Variants in GUCA1C observed in about 807,000 individuals in gnomAD.
The protein encoded by GUCA1C is guanylyl cyclase-activating protein 3.
In GUCA1C, 15 loss-of-function variants were observed where a neutral mutation model predicts 16.2. The observed-to-expected ratio is 0.93, with a 90% CI of 0.62 to 1.43. GUCA1C has a LOEUF of 1.43. Ranked by LOEUF, GUCA1C falls within the 40% of genes most tolerant of loss-of-function variation. The probability of loss-of-function intolerance (pLI) is 0.00; values close to 1 mark genes in which losing one functional copy is unlikely to be tolerated. For missense variants in GUCA1C, 275 were observed against 244.8 expected, an observed-to-expected ratio of 1.12 and a Z score of -0.82; for synonymous variants, 78 against 85.4, an observed-to-expected ratio of 0.91 and a Z score of 0.48.
intron 3 of GUCA1C, among the ~76,000 whole-genome samples, chr3:108,913,864 G>A (rs979143921): frequency 1.4e-4 from 21 of 151,916 alleles, no homozygotes; most frequent in Non-Finnish European, 2.2e-4. Context: ...TCAGGAGTTC[G>A]AGACCAGCCT....
At chr3:108,943,243 C>T (rs530490705) in intron 1 of GUCA1C, among the ~76,000 whole-genome samples, 2 of 151,846 alleles carry the variant, frequency 1.3e-5, no homozygotes, top group African/African-American at 4.8e-5. Context: ...GGAGTGGGGG[C>T]GCTGATATGT....
At chr3:108,928,253 C>T (rs1946639775) in intron 1 of GUCA1C, among the ~76,000 whole-genome samples, 2 of 152,194 alleles carry the variant, frequency 1.3e-5, no homozygotes, top group Non-Finnish European at 2.9e-5. Flanking sequence ...TGAGCAGGAG[C>T]TGCAAGCTAG....
chr3:108,932,342 A>C (rs796756579), intron 1 of GUCA1C, among the ~76,000 whole-genome samples: 14 of 31,900 alleles, frequency 4.4e-4, no homozygotes, highest in East Asian at 3.5e-3. Context: ...AAAAAAAACA[A>C]AAAAAAAAAA....
At position 108,953,680 on chromosome 3, in the gene GUCA1C, A is replaced by G; in HGVS notation, c.83T>C (p.Met28Thr). ...TGTTTGCAGGCCGGATGGATATTCC[A>G]TCATAAATGTTCTGTACCACACATG... ...ETHVWYRTFM[M>T]EYPSGLQTLH... is the part of the protein sequence containing the mutation. The change falls in exon 1 of 4, where the codon ATG becomes ACG. Residue 28 changes from methionine to threonine, a missense_variant. Transcript: ENST00000261047. The G allele has an allele frequency of 6.2e-7, 1 of 1,613,016 alleles. No homozygotes were observed. The highest frequency in any genetic ancestry group is 8.5e-7 in the Non-Finnish European group (1 of 1,178,970).
At chr3:108,912,055 G>A (rs1330401480) in intron 3 of GUCA1C, among the ~76,000 whole-genome samples, 2 of 149,566 alleles carry the variant, frequency 1.3e-5, no homozygotes, top group Non-Finnish European at 3.0e-5. Context: ...GCAGTGAGCC[G>A]AGTAGTGCCA....
At chr3:108,934,971 G>A (rs1482870028) in intron 1 of GUCA1C, among the ~76,000 whole-genome samples, 1 of 151,560 alleles carries the variant, frequency 6.6e-6, no homozygotes, top group South Asian at 2.1e-4. Context: ...CCGCCACCAC[G>A]CCCGGCTAAT....
intron 3 of GUCA1C, among the ~76,000 whole-genome samples, chr3:108,910,838 G>C (rs1318035209): frequency 6.6e-6 from 1 of 151,902 alleles, no homozygotes; most frequent in African/African-American, 2.4e-5. Flanking sequence ...TTTTGGTAGA[G>C]ACGGGGTTTC....
At chr3:108,923,930 TCTTAA>T (rs1576548051) in intron 1 of GUCA1C, among the ~76,000 whole-genome samples, 2 of 152,306 alleles carry the variant, frequency 1.3e-5, no homozygotes, top group South Asian at 2.1e-4. Context: ...GGGGTTGAGT[TCTTAA>T]CTTGATTCTC....
At chr3:108,915,014 G>A (rs978006346) in intron 3 of GUCA1C, among the ~76,000 whole-genome samples, 1 of 150,852 alleles carries the variant, frequency 6.6e-6, no homozygotes, top group African/African-American at 2.5e-5. Flanking sequence ...GTGCTTAAGA[G>A]AAGAAGATTG....
intron 1 of GUCA1C, among the ~76,000 whole-genome samples, chr3:108,951,653 G>A (rs779921239): frequency 6.6e-6 from 1 of 152,104 alleles, no homozygotes; most frequent in Non-Finnish European, 1.5e-5. Flanking sequence ...TTTACCACCT[G>A]ATTTTATATT....
At chr3:108,918,218 C>T (rs921056371) in intron 2 of GUCA1C, among the ~76,000 whole-genome samples, 1 of 152,166 alleles carries the variant, frequency 6.6e-6, no homozygotes, top group African/African-American at 2.4e-5. Context: ...ACCAAAATGT[C>T]TCCAGACATT....
At chr3:108,944,110 T>C (rs1045510540) in intron 1 of GUCA1C, among the ~76,000 whole-genome samples, 19 of 152,142 alleles carry the variant, frequency 1.2e-4, no homozygotes, top group African/African-American at 4.6e-4. Context: ...TTGAGATAAT[T>C]ACTCCAATTA....
intron 1 of GUCA1C, among the ~76,000 whole-genome samples, chr3:108,937,730 A>G (rs546683897): frequency 6.6e-6 from 1 of 152,360 alleles, no homozygotes; most frequent in South Asian, 2.1e-4. Context: ...ATAAGGCCCT[A>G]CACAGTGTTA....
intron 1 of GUCA1C, among the ~76,000 whole-genome samples, chr3:108,943,300 G>A (rs1379320704): frequency 6.6e-6 from 1 of 152,094 alleles, no homozygotes; most frequent in Admixed American, 6.6e-5. Flanking sequence ...CACCACGTTT[G>A]GCAATTGTAA....
intron 2 of GUCA1C, 81 bp from the exon 3 acceptor site, chr3:108,916,295 G>A (rs915541073): frequency 8.8e-6 from 12 of 1,364,988 alleles, no homozygotes; most frequent in Middle Eastern, 1.9e-4. Flanking sequence ...CGATGTGACA[G>A]AATTTGGGGA....
chr3:108,935,758 A>AT (rs1946721483), intron 1 of GUCA1C, among the ~76,000 whole-genome samples: 1 of 152,172 alleles, frequency 6.6e-6, no homozygotes, highest in South Asian at 2.1e-4. Context: ...TATATGGTTA[A>AT]TTTTTTTCCT....
In GUCA1C at chr3:108,907,805, T is replaced by C. The variant is rs1441017009; in HGVS notation, c.*217A>G. The C allele has an allele frequency of 2.0e-6, 1 of 500,304 alleles. No homozygotes were observed. Among genetic ancestry groups the C allele is most frequent in the East Asian group, 3.2e-5 (1 of 31,362 alleles). 31.0% of individuals were successfully genotyped at this position (500,304 alleles called of 1,614,324 possible). On this transcript the variant is annotated 3_prime_UTR_variant, in exon 4 of 4. Transcript: ENST00000261047. Reference sequence around the variant, plus strand: ...TGGAGACAATCCTTTAGTGTAATCATTATGTTTTAATCTGCAGAGACAGCA... The same window carrying C: ...TGGAGACAATCCTTTAGTGTAATCACTATGTTTTAATCTGCAGAGACAGCA...
chr3:108,935,103 A>ACACCTGG lies in GUCA1C; in HGVS notation c.205-14525_205-14519dup, dbSNP rs576271327. Among the ~76,000 whole-genome samples the ACACCTGG allele has an allele frequency of 1.9e-3, 287 of 151,846 alleles. 1 individual carries two copies. The highest frequency in any genetic ancestry group is 6.5e-3 in the African/African-American group (269 of 41,442). On this transcript the variant is annotated intron_variant, in intron 1 of 3. Transcript: ENST00000261047. ...GCTGGGATTACAGGCATGAGTCACC[A>ACACCTGG]CACCTGGCCTGTTCTTGCTCTTAAG...
intron 2 of GUCA1C, among the ~76,000 whole-genome samples, chr3:108,919,872 C>A (rs1417572913): frequency 6.6e-6 from 1 of 152,046 alleles, no homozygotes. Flanking sequence ...CCTGCTTAAC[C>A]ATTTTTTTAC....
Sources: allele counts gnomAD v4.1 joint callset (sites outside exome capture counted in the v4.1 genomes callset), GRCh38; gene constraint gnomAD v4.1.1; transcripts MANE v1.5; gene names NCBI Gene and HGNC (gene_info 2026-07-23, HGNC 2026-07-21).